Variants in CTNNBL1 observed in about 807,000 individuals in gnomAD.
CTNNBL1 encodes the protein beta-catenin-like protein 1.
CTNNBL1 carries 31 observed loss-of-function variants against 72.7 expected under a neutral mutation model. That is an observed-to-expected ratio of 0.43 (90% CI 0.32 to 0.58). The LOEUF is 0.58. Ranked by LOEUF, CTNNBL1 falls within the 20% of genes least tolerant of loss-of-function variation. The probability of loss-of-function intolerance (pLI) is 0.08; values close to 1 mark genes in which losing one functional copy is unlikely to be tolerated. For synonymous variants in CTNNBL1, 240 were observed against 267.3 expected (o/e 0.90, Z 1.00); for missense variants, 534 against 725.1 (o/e 0.74, Z 3.03).
At chr20:37,774,106 G>A (rs2073552270) in intron 7 of CTNNBL1, among the ~76,000 whole-genome samples, 1 of 151,562 alleles carries the variant, frequency 6.6e-6, no homozygotes, top group South Asian at 2.1e-4. Flanking sequence ...TAGAGATGAG[G>A]TCTCACTATG....
At chr20:37,713,793 C>T (rs1161236567) in intron 1 of CTNNBL1, among the ~76,000 whole-genome samples, 1 of 152,144 alleles carries the variant, frequency 6.6e-6, no homozygotes, top group Non-Finnish European at 1.5e-5. Flanking sequence ...AAAGAATATA[C>T]GTTTTCTCCT....
Position 37,767,950 on chromosome 20 carries a change from C to T in CTNNBL1, c.659-3C>T. The T allele has an allele frequency of 1.2e-6, 2 of 1,613,614 alleles. No homozygotes were observed. Among genetic ancestry groups the T allele is most frequent in the Non-Finnish European group, 1.7e-6 (2 of 1,179,598 alleles). ...CAAATGACTGGTGTCTGTCTCCCTT[C>T]AGCTATTGTGGAAAACATGGCTGAG... On this transcript the variant is annotated splice_polypyrimidine_tract_variant and splice_region_variant and intron_variant, in intron 6 of 15. Transcript: ENST00000361383.
intron 1 of CTNNBL1, among the ~76,000 whole-genome samples, chr20:37,698,625 C>A (rs2072813019): frequency 6.6e-6 from 1 of 152,182 alleles, no homozygotes; most frequent in Non-Finnish European, 1.5e-5. Flanking sequence ...GTGTTCTGTT[C>A]ATTCAGTTTT....
intron 4 of CTNNBL1, among the ~76,000 whole-genome samples, chr20:37,747,799 C>T (rs2073280932): frequency 6.6e-6 from 1 of 152,066 alleles, no homozygotes. Context: ...AGGCTGGACT[C>T]AATCTCCTGG....
chr20:37,793,102 G>A (rs1379052588), intron 10 of CTNNBL1, among the ~76,000 whole-genome samples: 3 of 152,188 alleles, frequency 2.0e-5, no homozygotes, highest in African/African-American at 7.2e-5. Flanking sequence ...ATATGTATTT[G>A]CTGTTGTTGG....
intron 1 of CTNNBL1, among the ~76,000 whole-genome samples, chr20:37,708,483 T>C (rs1175880769): frequency 2.6e-5 from 4 of 152,168 alleles, no homozygotes; most frequent in African/African-American, 9.7e-5. Context: ...ATAGACTTTC[T>C]TGATGCGGGG....
chr20:37,830,840 G>A (rs1465014374), intron 11 of CTNNBL1, among the ~76,000 whole-genome samples: 1 of 152,140 alleles, frequency 6.6e-6, no homozygotes, highest in Non-Finnish European at 1.5e-5. Context: ...AGTGTTGACT[G>A]TATCACATAA....
At chr20:37,760,062 A>G (rs2073401644) in intron 5 of CTNNBL1, among the ~76,000 whole-genome samples, 1 of 152,226 alleles carries the variant, frequency 6.6e-6, no homozygotes, top group Non-Finnish European at 1.5e-5. Flanking sequence ...TGGCATTCTC[A>G]GGGATCTTCG....
intron 11 of CTNNBL1, among the ~76,000 whole-genome samples, chr20:37,819,872 CTTTTTTTTTTTT>C (rs368562087): frequency 1.6e-5 from 2 of 121,222 alleles, no homozygotes; most frequent in African/African-American, 6.1e-5. Flanking sequence ...CTTTTAATAT[CTTTTTTTTTTTT>C]TTTTTTTTGA....
At chr20:37,824,017 A>G (rs1372673825) in intron 11 of CTNNBL1, among the ~76,000 whole-genome samples, 1 of 152,218 alleles carries the variant, frequency 6.6e-6, no homozygotes, top group Non-Finnish European at 1.5e-5. Flanking sequence ...GAGGAGTGGT[A>G]ACTATATAAT....
intron 1 of CTNNBL1, among the ~76,000 whole-genome samples, chr20:37,696,172 A>G (rs1173060313): frequency 2.0e-5 from 3 of 152,222 alleles, no homozygotes; most frequent in Admixed American, 1.3e-4. Context: ...ACAACACTGA[A>G]TAAAAGACAA....
At chr20:37,737,338 C>T in intron 2 of CTNNBL1, 40 bp from the exon 3 acceptor site, 1 of 1,398,598 alleles carries the variant, frequency 7.2e-7, no homozygotes, top group Non-Finnish European at 1.0e-6. Context: ...ATGTGAAACC[C>T]CTGTGGACTG....
chr20:37,796,858 T>C (rs2073779158), intron 10 of CTNNBL1, among the ~76,000 whole-genome samples: 1 of 152,216 alleles, frequency 6.6e-6, no homozygotes, highest in Non-Finnish European at 1.5e-5. Flanking sequence ...GACCGCATAA[T>C]GCAATAAATC....
chr20:37,811,821 TCA>T (rs2072014040), intron 11 of CTNNBL1, among the ~76,000 whole-genome samples: 1 of 152,224 alleles, frequency 6.6e-6, no homozygotes. Context: ...CTACTAAGCC[TCA>T]GGGCTTTACA....
At chr20:37,775,543 A>G (rs896627803) in intron 7 of CTNNBL1, among the ~76,000 whole-genome samples, 3 of 152,216 alleles carry the variant, frequency 2.0e-5, no homozygotes, top group Non-Finnish European at 2.9e-5. Flanking sequence ...ATTTGAGTCA[A>G]CCTTAGGTGT....
intron 11 of CTNNBL1, among the ~76,000 whole-genome samples, chr20:37,818,595 G>GGACCA (rs1445739906): frequency 6.6e-6 from 1 of 152,166 alleles, no homozygotes; most frequent in Admixed American, 6.5e-5. Flanking sequence ...CAGAGGACCT[G>GGACCA]GACCAGGACA....
rs540730336 is a variant in CTNNBL1 at position 37,745,077 on chromosome 20, C to T, written c.327-1391C>T. Among the ~76,000 whole-genome samples, 405 of 152,014 alleles carry T rather than the reference C, an allele frequency of 2.7e-3. 2 individuals carry two copies. The highest frequency in any genetic ancestry group is 8.9e-3 in the African/African-American group (369 of 41,464). ...TTTTGAGGGCTTGCTTTTCTTTCTCCGGTTTTCTACAAAAAGTATACTGTA... is the reference window on the plus strand; with the variant it reads ...TTTTGAGGGCTTGCTTTTCTTTCTCTGGTTTTCTACAAAAAGTATACTGTA... On this transcript the variant is annotated intron_variant, in intron 3 of 15. Transcript: ENST00000361383.
intron 1 of CTNNBL1, among the ~76,000 whole-genome samples, chr20:37,702,926 G>A (rs936262740): frequency 6.6e-6 from 1 of 152,140 alleles, no homozygotes; most frequent in African/African-American, 2.4e-5. Context: ...CTTCTGGAAA[G>A]CTCTTGTTCT....
intron 1 of CTNNBL1, among the ~76,000 whole-genome samples, chr20:37,717,017 T>C (rs955087497): frequency 1.3e-5 from 2 of 152,176 alleles, no homozygotes; most frequent in African/African-American, 4.8e-5. Flanking sequence ...GTGAATAAAA[T>C]GGTTAGTTTC....
Sources: allele counts gnomAD v4.1 joint callset (sites outside exome capture counted in the v4.1 genomes callset), GRCh38; gene constraint gnomAD v4.1.1; transcripts MANE v1.5; gene names NCBI Gene and HGNC (gene_info 2026-07-23, HGNC 2026-07-21).